The following GPR137 variants were observed in gnomAD, a reference collection of about 807,000 sequenced individuals.
GPR137 encodes integral membrane protein GPR137.
Under a neutral mutation model 38.9 loss-of-function variants are expected in GPR137, and 20 were observed. That is an observed-to-expected ratio of 0.51 (90% CI 0.36 to 0.75). The LOEUF (loss-of-function observed/expected upper bound fraction) is 0.75, where lower values mean the gene tolerates loss of function less well. Ranked by LOEUF, GPR137 falls within the 30% of genes least tolerant of loss-of-function variation. GPR137 has a pLI of 0.00. For synonymous variants in GPR137, 226 were observed against 235.8 expected, an observed-to-expected ratio of 0.96 and a Z score of 0.38; for missense variants, 456 against 526.4, an observed-to-expected ratio of 0.87 and a Z score of 1.31.
In GPR137 at chr11:64,288,781, T is replaced by C; in HGVS notation, c.1031+60T>C. ...CTACCCGCCCACCCCGCTGGCTCCA[T>C]CAAGCTATGGGGGACCGAGATAGCC... On this transcript the variant is annotated intron_variant, in intron 6 of 6. Transcript: ENST00000438980. The surrounding 1 kb of genome is among the most constrained non-coding windows in gnomAD (Gnocchi z 5.5). 2 of 841,118 alleles carry C rather than the reference T, an allele frequency of 2.4e-6. No homozygotes were observed. Among genetic ancestry groups the C allele is most frequent in the Non-Finnish European group, 3.4e-6 (2 of 596,934 alleles). The allele number at this position is 841,118 out of a possible 1,614,324, so 52.1% of individuals were successfully genotyped here. A position where few individuals can be genotyped will look rare whatever the true frequency, so the allele number is the denominator to read the frequency against.
chr11:64,286,976 G>A lies in GPR137; in HGVS notation c.369G>A (p.Lys123=). The change falls in exon 2 of 7, where the codon AAG becomes AAA. Residue 123 remains lysine (K), a synonymous_variant. Transcript: ENST00000438980. ...ATCTCTGCTCCTAGGTGGTGTTCAA[G>A]GCCAAGGTGAAGCGTCGGCCGGAGA... ...MNLYFAQVVF[K]AKVKRRPEMS... 1.2e-6 allele frequency: 2 copies of A among 1,613,982 alleles called. No homozygotes were observed. Among genetic ancestry groups the A allele is most frequent in the African/African-American group, 2.7e-5 (2 of 75,050 alleles).
chr11:64,288,313 C>T lies in GPR137; in HGVS notation c.784-27C>T, dbSNP rs918656173. ...ACTACCCCTTTGGCGTGACTGCAGA[C>T]TGGCACCAGCCCCTGCCTTCCCACA... On this transcript the variant is annotated intron_variant, in intron 4 of 6. Transcript: ENST00000438980. The surrounding 1 kb of genome is among the most constrained non-coding windows in gnomAD (Gnocchi z 5.5). The T allele has an allele frequency of 5.6e-6, 9 of 1,613,360 alleles. No individual in the cohort carries two copies. The Admixed American group carries it at 8.3e-5, about 15-fold the overall frequency.
chr11:64,272,876 A>G (rs1412438403), upstream of GPR137: 1 of 152,212 alleles, frequency 6.6e-6, no homozygotes, highest in Non-Finnish European at 1.5e-5. Context: ...TGAGGGGATA[A>G]TCCTAGCCCT....
In GPR137 at chr11:64,286,423, CCT is replaced by C; in HGVS notation, c.-97_-96del. ...TCTTTCCTCCTGAGCGCCCCATCTC[CCT>C]CTCTGCACCCTGCAATTCCCACCCC... On this transcript the variant is annotated 5_prime_UTR_variant, in exon 1 of 7. Transcript: ENST00000438980. 1 of 1,486,440 alleles carries C rather than the reference CCT, an allele frequency of 6.7e-7. No homozygotes were observed. The highest frequency in any genetic ancestry group is 8.9e-7 in the Non-Finnish European group (1 of 1,122,682). 92.1% of individuals were successfully genotyped at this position (1,486,440 alleles called of 1,614,324 possible). A position where few individuals can be genotyped will look rare whatever the true frequency, so the allele number is the denominator to read the frequency against.
chr11:64,282,617 G>A (rs898264985), upstream of GPR137, among the ~76,000 whole-genome samples: 2 of 152,090 alleles, frequency 1.3e-5, no homozygotes, highest in African/African-American at 2.4e-5. Flanking sequence ...GGTGGCTCAC[G>A]CCTGTAATCC....
At position 64,288,040 on chromosome 11, in the gene GPR137, G is replaced by C; in HGVS notation, c.634-25G>C. The C allele has an allele frequency of 3.1e-6, 5 of 1,607,340 alleles. No homozygotes were observed. Among genetic ancestry groups the C allele is most frequent in the Non-Finnish European group, 4.2e-6 (5 of 1,179,920 alleles). On this transcript the variant is annotated intron_variant, in intron 3 of 6. Transcript: ENST00000438980. The surrounding 1 kb of genome is among the most constrained non-coding windows in gnomAD (Gnocchi z 5.5). ...AAGCTGGGAGCCTTCTCTCCCTGAG[G>C]GTCCTCTGTTGTTACCTGTGCCAGG...
chr11:64,289,499 T>A, downstream of GPR137: 1 of 1,342,178 alleles, frequency 7.5e-7, no homozygotes, highest in Non-Finnish European at 9.9e-7. Context: ...CCCACAGTTG[T>A]GCACCTGTCT....
upstream of GPR137, chr11:64,271,916 G>A: frequency 1.2e-6 from 1 of 861,794 alleles, no homozygotes; most frequent in Non-Finnish European, 1.6e-6. Flanking sequence ...GTCTTCCAGG[G>A]GCGCATCACA....
chr11:64,270,751 C>T, upstream of GPR137: 1 of 463,474 alleles, frequency 2.2e-6, no homozygotes, highest in South Asian at 1.6e-5. Flanking sequence ...GCCGTGATCG[C>T]ACCACTGCAC....
At chr11:64,286,907 G>A in intron 1 of GPR137, 26 bp downstream of exon 1, 2 of 1,532,626 alleles carry the variant, frequency 1.3e-6, no homozygotes, top group Non-Finnish European at 1.8e-6. Context: ...CCCGGGTGGG[G>A]GGCGGGAGGT....
chr11:64,286,639 T>C lies in GPR137; in HGVS notation c.115T>C (p.Phe39Leu). The C allele has an allele frequency of 6.2e-7, 1 of 1,614,134 alleles. No individual in the cohort carries two copies. Among genetic ancestry groups the C allele is most frequent in the Non-Finnish European group, 8.5e-7 (1 of 1,179,998 alleles). Residue 39 changes from phenylalanine to leucine, a missense_variant, in exon 1 of 7, where the codon TTC becomes CTC. Physicochemically the swap from Phe to Leu is conservative, Grantham distance 22. Transcript: ENST00000438980. Reference protein sequence around the residue: ...AYTTLYALLFFSVYAQLWLVL... With the variant: ...AYTTLYALLFLSVYAQLWLVL... ...CACCACCCTGTATGCCCTGCTCTTC[T>C]TCTCCGTCTATGCCCAGCTCTGGCT...
chr11:64,273,068 T>A (rs1402391398), upstream of GPR137, among the ~76,000 whole-genome samples: 2 of 151,802 alleles, frequency 1.3e-5, no homozygotes, highest in African/African-American at 4.8e-5. Flanking sequence ...TCTATTAATT[T>A]AAAAAATTAA....
chr11:64,288,833 G>C lies in GPR137; in HGVS notation c.1031+112G>C. ...GGTCTTGCCTTCCACCCCTGCCATG[G>C]CCTTTGCTTCCCCATCTGTACTAGG... On this transcript the variant is annotated intron_variant, in intron 6 of 6. Transcript: ENST00000438980. The surrounding 1 kb of genome is among the most constrained non-coding windows in gnomAD (Gnocchi z 5.5). The C allele has an allele frequency of 6.9e-7, 1 of 1,447,628 alleles. No individual in the cohort carries two copies. The highest frequency in any genetic ancestry group is 9.0e-7 in the Non-Finnish European group (1 of 1,105,732). The allele number at this position is 1,447,628 out of a possible 1,614,324, so 89.7% of individuals were successfully genotyped here. A position where few individuals can be genotyped will look rare whatever the true frequency, so the allele number is the denominator to read the frequency against.
In GPR137 at chr11:64,286,001, G is replaced by A; in HGVS notation, c.-524G>A. On this transcript the variant is annotated 5_prime_UTR_variant, in exon 1 of 7. Transcript: ENST00000438980. ...GGAGGGTGGGGCGGGGGCAGCTTTC[G>A]AGAATTACGAGGACAGGAGGCAGAG... 1 of 984,820 alleles carries A rather than the reference G, an allele frequency of 1.0e-6. No individual in the cohort carries two copies. The highest frequency in any genetic ancestry group is 1.2e-6 in the Non-Finnish European group (1 of 829,298). The allele number at this position is 984,820 out of a possible 1,614,324, so 61.0% of individuals were successfully genotyped here.
At chr11:64,275,220 G>C (rs1014235968), upstream of GPR137, among the ~76,000 whole-genome samples, 16 of 151,870 alleles carry the variant, frequency 1.1e-4, no homozygotes, top group African/African-American at 3.6e-4. Context: ...ACAGCCAGGC[G>C]TGGCGGCTCA....
chr11:64,284,893 C>G, upstream of GPR137: 1 of 1,444,484 alleles, frequency 6.9e-7, no homozygotes, highest in Non-Finnish European at 9.1e-7. Context: ...ACACCTTGGG[C>G]GTGTGTGGGA....
chr11:64,288,286 C>T lies in GPR137; in HGVS notation c.784-54C>T. 6.2e-7 allele frequency: 1 copy of T among 1,612,102 alleles called. No homozygotes were observed. Among genetic ancestry groups the T allele is most frequent in the Non-Finnish European group, 8.5e-7 (1 of 1,179,288 alleles). On this transcript the variant is annotated intron_variant, in intron 4 of 6. Coordinates refer to ENST00000438980, the MANE Select transcript of GPR137 (RefSeq NM_001170880.2). The surrounding 1 kb of genome is among the most constrained non-coding windows in gnomAD (Gnocchi z 5.5). Reference sequence around the variant, plus strand: ...GGCCCCAGCTGGCCTGGGCCCTGTCCCACTACCCCTTTGGCGTGACTGCAG... The same window carrying T: ...GGCCCCAGCTGGCCTGGGCCCTGTCTCACTACCCCTTTGGCGTGACTGCAG...
upstream of GPR137, chr11:64,284,424 G>T (rs1423662154): frequency 2.5e-6 from 4 of 1,608,190 alleles, no homozygotes; most frequent in Non-Finnish European, 3.4e-6. Context: ...GGGGCCAACG[G>T]TGGCCCTGGA....
In GPR137 at chr11:64,289,369, G is replaced by A. The variant is rs995533683; in HGVS notation, c.*173G>A. 3 of 1,571,678 alleles carry A rather than the reference G, an allele frequency of 1.9e-6. No homozygotes were observed. The highest frequency in any genetic ancestry group is 1.8e-5 in the Admixed American group (1 of 56,476). ...TGAGCTTGTGCCGTCCCCCTAGGAT[G>A]GGGGGCATGGCCCTGGCTGCCAGAT... On this transcript the variant is annotated 3_prime_UTR_variant, in exon 7 of 7. Coordinates refer to ENST00000438980, the MANE Select transcript of GPR137 (RefSeq NM_001170880.2).
Sources: allele counts gnomAD v4.1 joint callset (sites outside exome capture counted in the v4.1 genomes callset), GRCh38; gene constraint gnomAD v4.1.1; non-coding constraint Gnocchi (gnomAD v3.1); transcripts MANE v1.5; gene names NCBI Gene and HGNC (gene_info 2026-07-23, HGNC 2026-07-21).